Variants in DCC observed in about 807,000 individuals in gnomAD.
DCC encodes DCC netrin 1 receptor.
In DCC, 58 loss-of-function variants were observed where a neutral mutation model predicts 172.5. The observed-to-expected ratio is 0.34, with a 90% confidence interval of 0.27 to 0.42. The LOEUF is 0.42. Among genes scored for constraint, DCC ranks in the 10% least tolerant of loss-of-function variants. The pLI is 1.00. For missense variants in DCC, 1,740 were observed against 1,791.0 expected, an observed-to-expected ratio of 0.97 and a Z score of 0.51; for synonymous variants, 709 against 644.5, an observed-to-expected ratio of 1.10 and a Z score of -1.52.
intron 1 of DCC, among the ~76,000 whole-genome samples, chr18:52,397,176 G>A (rs1054020104): frequency 6.6e-6 from 1 of 151,728 alleles, no homozygotes; most frequent in African/African-American, 2.4e-5. Flanking sequence ...AATTACGTGG[G>A]GAGCATGTAA....
chr18:53,507,000 T>C (rs898799532), intron 27 of DCC, among the ~76,000 whole-genome samples: 1 of 152,184 alleles, frequency 6.6e-6, no homozygotes, highest in Admixed American at 6.5e-5. Flanking sequence ...AATCAGATGG[T>C]CTTTCCTCTT....
intron 1 of DCC, among the ~76,000 whole-genome samples, chr18:52,426,834 C>G (rs1258244929): frequency 1.3e-5 from 2 of 152,018 alleles, no homozygotes; most frequent in Non-Finnish European, 2.9e-5. Context: ...AGATTAGTAA[C>G]TATCTGTGAT....
At chr18:52,543,132 A>G (rs543752745) in intron 1 of DCC, among the ~76,000 whole-genome samples, 29 of 152,326 alleles carry the variant, frequency 1.9e-4, no homozygotes, top group African/African-American at 7.0e-4. Flanking sequence ...CAGAATGTTT[A>G]AGAGAAGTGC....
chr18:53,389,655 C>T (rs1002355864), intron 16 of DCC, among the ~76,000 whole-genome samples: 1 of 152,130 alleles, frequency 6.6e-6, no homozygotes, highest in East Asian at 1.9e-4. Context: ...AAAGAAAAAA[C>T]TTGGCCAAGG....
intron 2 of DCC, among the ~76,000 whole-genome samples, chr18:52,832,621 T>C (rs1162875189): frequency 2.0e-5 from 3 of 152,138 alleles, no homozygotes; most frequent in Admixed American, 6.6e-5. Flanking sequence ...TTTGGTAGAC[T>C]CTACTATTTA....
intron 2 of DCC, among the ~76,000 whole-genome samples, chr18:52,867,001 A>T (rs1484626291): frequency 6.6e-6 from 1 of 152,172 alleles, no homozygotes; most frequent in East Asian, 1.9e-4. Flanking sequence ...ATTCAGTATG[A>T]TATTGGCTGT....
chr18:53,298,839 G>A (rs1259513708), intron 12 of DCC, among the ~76,000 whole-genome samples: 1 of 151,888 alleles, frequency 6.6e-6, no homozygotes, highest in African/African-American at 2.4e-5. Flanking sequence ...GAGTATAATT[G>A]CCAAGTAGAG....
intron 16 of DCC, among the ~76,000 whole-genome samples, chr18:53,389,121 T>C (rs1459955314): frequency 1.3e-5 from 2 of 152,150 alleles, no homozygotes; most frequent in African/African-American, 4.8e-5. Flanking sequence ...GACTCAACAT[T>C]CATGGGCACT....
chr18:53,271,531 C>T (rs1242639274), intron 12 of DCC, among the ~76,000 whole-genome samples: 1 of 152,132 alleles, frequency 6.6e-6, no homozygotes, highest in Non-Finnish European at 1.5e-5. Flanking sequence ...ATACATTTGG[C>T]TGTTGGCAGG....
At chr18:53,501,881 C>CCAGT (rs1208274189) in intron 27 of DCC, among the ~76,000 whole-genome samples, 5 of 100,030 alleles carry the variant, frequency 5.0e-5, no homozygotes, top group Non-Finnish European at 1.2e-4. Context: ...CATTTTTTTA[C>CCAGT]TAGTTATTTT....
At chr18:52,843,983 C>T (rs2038846476) in intron 2 of DCC, among the ~76,000 whole-genome samples, 1 of 152,028 alleles carries the variant, frequency 6.6e-6, no homozygotes, top group South Asian at 2.1e-4. Flanking sequence ...TGCTGATAAA[C>T]ATCGCTTTTT....
chr18:52,520,111 G>T (rs1025342583), intron 1 of DCC, among the ~76,000 whole-genome samples: 1 of 152,144 alleles, frequency 6.6e-6, no homozygotes, highest in Non-Finnish European at 1.5e-5. Context: ...TCATCCAAGG[G>T]TCTCTTCCTA....
At chr18:52,592,985 G>A (rs979006847) in intron 1 of DCC, among the ~76,000 whole-genome samples, 13 of 152,080 alleles carry the variant, frequency 8.5e-5, no homozygotes, top group African/African-American at 2.7e-4. Context: ...ATCAAGGCTC[G>A]ATTTACTCAT....
At chr18:53,312,701 C>T (rs2057289421) in intron 13 of DCC, among the ~76,000 whole-genome samples, 1 of 143,244 alleles carries the variant, frequency 7.0e-6, no homozygotes, top group African/African-American at 2.6e-5. Context: ...CCCAGCTACT[C>T]GGGAGGCTGA....
chr18:52,536,739 G>T (rs950595009), intron 1 of DCC, among the ~76,000 whole-genome samples: 2 of 152,104 alleles, frequency 1.3e-5, no homozygotes, highest in Admixed American at 1.3e-4. Context: ...TCAAGCTAGC[G>T]TGACTTTTCC....
At chr18:53,043,521 C>T (rs2042197655) in intron 5 of DCC, among the ~76,000 whole-genome samples, 1 of 151,868 alleles carries the variant, frequency 6.6e-6, no homozygotes, top group Non-Finnish European at 1.5e-5. Flanking sequence ...TACTTCTCAT[C>T]TGACATTTTA....
chr18:53,280,998 T>C (rs1209464655), intron 12 of DCC, among the ~76,000 whole-genome samples: 1 of 150,514 alleles, frequency 6.6e-6, no homozygotes, highest in Admixed American at 6.6e-5. Context: ...TATGAATAAC[T>C]TCTCCTCAGA....
chr18:52,897,106 C>T (rs2039742884), intron 2 of DCC, among the ~76,000 whole-genome samples: 1 of 152,256 alleles, frequency 6.6e-6, no homozygotes, highest in African/African-American at 2.4e-5. Context: ...TAAACTGACT[C>T]TTGGTCATGG....
chr18:52,564,671 G>A (rs564071816), intron 1 of DCC, among the ~76,000 whole-genome samples: 1 of 142,818 alleles, frequency 7.0e-6, no homozygotes, highest in African/African-American at 2.6e-5. Flanking sequence ...TAATATTGGG[G>A]GGGGGGGTGT....
Sources: allele counts gnomAD v4.1 joint callset (sites outside exome capture counted in the v4.1 genomes callset), GRCh38; gene constraint gnomAD v4.1.1; transcripts MANE v1.5; gene names NCBI Gene and HGNC (gene_info 2026-07-23, HGNC 2026-07-21).